The following DCLK1 variants were observed in gnomAD, a reference collection of about 807,000 sequenced individuals.
DCLK1 encodes doublecortin like kinase 1, also known as serine/threonine-protein kinase DCLK1.
DCLK1 carries 16 observed loss-of-function variants against 86.2 expected under a neutral mutation model. That is an observed-to-expected ratio of 0.19 (90% confidence interval 0.13 to 0.28). The LOEUF is 0.28. DCLK1 is among the 10% of genes least tolerant of loss of function. The probability of loss-of-function intolerance (pLI) is 1.00; values close to 1 mark genes in which losing one functional copy is unlikely to be tolerated. For synonymous variants in DCLK1, 369 were observed against 370.5 expected, an observed-to-expected ratio of 1.00 and a Z score of 0.05; for missense variants, 590 against 940.2, an observed-to-expected ratio of 0.63 and a Z score of 4.87.
intron 3 of DCLK1, among the ~76,000 whole-genome samples, chr13:36,041,046 C>A (rs1407803983): frequency 6.6e-6 from 1 of 152,030 alleles, no homozygotes; most frequent in Non-Finnish European, 1.5e-5. Flanking sequence ...TTCCAAGGAC[C>A]TCTGTTCCCT....
At chr13:35,918,812 T>C (rs1875589848) in intron 4 of DCLK1, among the ~76,000 whole-genome samples, 1 of 151,462 alleles carries the variant, frequency 6.6e-6, no homozygotes, top group South Asian at 2.1e-4. Flanking sequence ...GGGGAATGTC[T>C]ATAACAACAC....
At chr13:36,008,185 A>T in intron 3 of DCLK1, among the ~76,000 whole-genome samples, 1 of 85,496 alleles carries the variant, frequency 1.2e-5, no homozygotes, top group African/African-American at 4.6e-5. Context: ...TTTTTTTCAG[A>T]GTCCACAGAG....
intron 4 of DCLK1, among the ~76,000 whole-genome samples, chr13:35,877,706 C>T (rs1015765642): frequency 6.6e-6 from 1 of 152,142 alleles, no homozygotes; most frequent in Non-Finnish European, 1.5e-5. Context: ...TAGAAGAAAC[C>T]ATCATAAGCA....
intron 3 of DCLK1, among the ~76,000 whole-genome samples, chr13:36,110,124 T>C (rs1318283058): frequency 6.6e-6 from 1 of 152,132 alleles, no homozygotes; most frequent in Non-Finnish European, 1.5e-5. Flanking sequence ...TTTATGAAAA[T>C]AGATGAACTC....
At chr13:35,998,480 C>T (rs890192627) in intron 3 of DCLK1, among the ~76,000 whole-genome samples, 3 of 152,036 alleles carry the variant, frequency 2.0e-5, no homozygotes, top group East Asian at 1.9e-4. Flanking sequence ...GTTCTCCAGC[C>T]GATGCGTCTC....
chr13:35,827,872 A>G (rs9531099), intron 9 of DCLK1, 118 bp from the exon 10 acceptor site: 923,129 of 1,234,298 alleles, frequency 0.75, 348,839 homozygotes, highest in Middle Eastern at 0.81. Context: ...AAAATGTAAT[A>G]AGCCTGTCTT....
intron 16 of DCLK1, among the ~76,000 whole-genome samples, chr13:35,782,837 G>A (rs984419638): frequency 6.6e-6 from 1 of 151,444 alleles, no homozygotes; most frequent in Non-Finnish European, 1.5e-5. Context: ...TAGAAAGGGT[G>A]TTGGAAAACT....
chr13:36,017,670 C>T (rs1881592514), intron 3 of DCLK1, among the ~76,000 whole-genome samples: 1 of 152,158 alleles, frequency 6.6e-6, no homozygotes, highest in African/African-American at 2.4e-5. Flanking sequence ...GGTAATGCTT[C>T]ACCAACCACC....
At chr13:35,857,847 G>A (rs556099420) in intron 5 of DCLK1, among the ~76,000 whole-genome samples, 1 of 152,316 alleles carries the variant, frequency 6.6e-6, no homozygotes, top group South Asian at 2.1e-4. Context: ...CGAGAAAGGA[G>A]GCCAGTGTGG....
chr13:35,864,548 G>A (rs1384245215), intron 5 of DCLK1, among the ~76,000 whole-genome samples: 3 of 53,424 alleles, frequency 5.6e-5, no homozygotes, highest in Admixed American at 6.4e-4. Context: ...CTGGGCGACA[G>A]AGCGAGACTC....
rs371266900 is a variant in DCLK1 at position 36,083,379 on chromosome 13, G to A, written c.723+28490C>T. Among the ~76,000 whole-genome samples, 6 of 152,268 alleles carry A rather than the reference G, an allele frequency of 3.9e-5. No individual in the cohort carries two copies. In the South Asian group the frequency reaches 8.3e-4, roughly 21 times the overall value. On this transcript the variant is annotated intron_variant, in intron 3 of 16. Coordinates refer to ENST00000360631, the MANE Select transcript of DCLK1 (RefSeq NM_001330071.2). The stretch of plus-strand genomic sequence containing the variant: ...CTCTTTCATCTCGATTACTCTGTTA[G>A]GTCCCTCCTCAGTTCAACTCCAGTT...
At chr13:35,847,384 T>A (rs1870256596) in intron 6 of DCLK1, 5 of 985,188 alleles carry the variant, frequency 5.1e-6, no homozygotes, top group Non-Finnish European at 6.0e-6. Flanking sequence ...ACAAATACTA[T>A]ACTTTACTGT....
At chr13:36,095,779 G>T (rs1219096285) in intron 3 of DCLK1, among the ~76,000 whole-genome samples, 1 of 152,004 alleles carries the variant, frequency 6.6e-6, no homozygotes, top group African/African-American at 2.4e-5. Context: ...ATTCTCAAAG[G>T]GGAATGCAAG....
chr13:35,975,576 T>C (rs1195579142), intron 3 of DCLK1, among the ~76,000 whole-genome samples: 1 of 150,370 alleles, frequency 6.7e-6, no homozygotes, highest in Non-Finnish European at 1.5e-5. Context: ...ACCAGAGTTC[T>C]GGCAGCATGA....
rs879211637 is a variant in DCLK1, at chr13:36,126,219, T to TA, written c.-19-64_-19-63insT. On this transcript the variant is annotated intron_variant, in intron 1 of 16. Coordinates refer to ENST00000360631, the MANE Select transcript of DCLK1 (RefSeq NM_001330071.2). ...ATGTAGGTTATATATATATATATAT[T>TA]TTTTTGTTTTTGTTTTTTTTATGTT... The TA allele has an allele frequency of 3.2e-5, 40 of 1,237,746 alleles. No individual in the cohort carries two copies. The African/African-American group carries it at 5.0e-4, about 15-fold the overall frequency. The allele number at this position is 1,237,746 out of a possible 1,614,324, so 76.7% of individuals were successfully genotyped here. A position where few individuals can be genotyped will look rare whatever the true frequency, so the allele number is the denominator to read the frequency against.
At chr13:35,827,860 G>T in intron 9 of DCLK1, 106 bp from the exon 10 acceptor site, 2 of 1,381,136 alleles carry the variant, frequency 1.4e-6, no homozygotes, top group South Asian at 2.7e-5. Context: ...ATGCATTTTG[G>T]TAAAATGTAA....
intron 4 of DCLK1, among the ~76,000 whole-genome samples, chr13:35,920,664 T>C (rs542853711): frequency 5.0e-4 from 76 of 152,194 alleles, no homozygotes; most frequent in African/African-American, 1.8e-3. Flanking sequence ...CACTGGTTCA[T>C]CGAAAGTTTT....
At position 35,805,705 on chromosome 13, in the gene DCLK1, C is replaced by T; in HGVS notation, c.1938G>A (p.Trp646Ter). Residue 646 changes from tryptophan to a stop codon, truncating the protein, a stop_gained, in exon 15 of 17, where the codon TGG becomes TGA. Transcript: ENST00000360631. LOFTEE classifies it high-confidence loss of function. ...AATGGTGCGAGTCACTTACATTAAC[C>T]CAGGGATGCTCAAGTACTTGAACAG... Reference protein sequence around the residue: ...FSAVQVLEHPWVNDDGLPENE... With the variant: ...FSAVQVLEHP The T allele has an allele frequency of 6.2e-7, 1 of 1,613,526 alleles. No homozygotes were observed. The highest frequency in any genetic ancestry group is 8.5e-7 in the Non-Finnish European group (1 of 1,179,754).
chr13:35,877,384 G>A (rs1432158075), intron 4 of DCLK1, among the ~76,000 whole-genome samples: 2 of 152,180 alleles, frequency 1.3e-5, no homozygotes, highest in African/African-American at 4.8e-5. Context: ...AATAGAAACG[G>A]TTGCAGAATT....
Sources: allele counts gnomAD v4.1 joint callset (sites outside exome capture counted in the v4.1 genomes callset), GRCh38; gene constraint gnomAD v4.1.1; transcripts MANE v1.5; gene names NCBI Gene and HGNC (gene_info 2026-07-23, HGNC 2026-07-21).